Variants in MIGA1 observed in about 807,000 individuals in gnomAD.
The protein encoded by MIGA1 is family with sequence similarity 73, member A.
Under a neutral mutation model 82.0 loss-of-function variants are expected in MIGA1, and 58 were observed. That is an observed-to-expected ratio of 0.71 (90% CI 0.57 to 0.88). The LOEUF is 0.88. MIGA1 is among the 40% of genes least tolerant of loss of function. The probability of loss-of-function intolerance (pLI) is 0.00; values close to 1 mark genes in which losing one functional copy is unlikely to be tolerated. For missense variants in MIGA1, 751 were observed against 749.1 expected, an observed-to-expected ratio of 1.00 and a Z score of -0.03; for synonymous variants, 249 against 253.6, an observed-to-expected ratio of 0.98 and a Z score of 0.17.
At chr1:77,802,918 T>G (rs1682942664) in intron 3 of MIGA1, among the ~76,000 whole-genome samples, 1 of 152,098 alleles carries the variant, frequency 6.6e-6, no homozygotes, top group Non-Finnish European at 1.5e-5. Flanking sequence ...GAAAAGGAAA[T>G]GCCTGTATTT....
chr1:77,848,115 G>C, intron 8 of MIGA1: 4 of 1,322,728 alleles, frequency 3.0e-6, no homozygotes, highest in Non-Finnish European at 4.4e-6. Flanking sequence ...ATCCAGAGAC[G>C]AGGAGAACCA....
At chr1:77,808,509 T>A (rs780710513) in intron 5 of MIGA1, among the ~76,000 whole-genome samples, 1 of 152,136 alleles carries the variant, frequency 6.6e-6, no homozygotes, top group Admixed American at 6.5e-5. Flanking sequence ...CAGAAAAAAA[T>A]TTTAAATAGA....
At chr1:77,871,299 C>T (rs1232060327) in intron 14 of MIGA1, among the ~76,000 whole-genome samples, 3 of 151,638 alleles carry the variant, frequency 2.0e-5, no homozygotes, top group Non-Finnish European at 4.4e-5. Context: ...GTCAGGAGTT[C>T]GAGACCAGCC....
At chr1:77,867,606 G>A (rs1437395968) in intron 14 of MIGA1, among the ~76,000 whole-genome samples, 1 of 152,200 alleles carries the variant, frequency 6.6e-6, no homozygotes, top group Non-Finnish European at 1.5e-5. Context: ...GGGATTACAG[G>A]CGTGAGCCAC....
At chr1:77,830,492 T>G (rs1330494294) in intron 7 of MIGA1, among the ~76,000 whole-genome samples, 2 of 152,048 alleles carry the variant, frequency 1.3e-5, no homozygotes, top group East Asian at 3.9e-4. Context: ...TCTTTTGGAG[T>G]TTTTATTTAG....
rs112122478 is a variant in MIGA1 at position 77,859,924 on chromosome 1, A to T, written c.1189-116A>T. ...GACTTTCTCTGTGAGCTGCCTGTTG[A>T]AATAGCACCACATGCAATGCATTAA... On this transcript the variant is annotated intron_variant, in intron 10 of 15. Coordinates refer to ENST00000370791, the MANE Select transcript of MIGA1 (RefSeq NM_198549.4). 1.7e-5 allele frequency: 11 copies of T among 655,552 alleles called. No individual in the cohort carries two copies. The African/African-American group carries it at 1.7e-4, about 10-fold the overall frequency. 40.6% of individuals were successfully genotyped at this position (655,552 alleles called of 1,614,324 possible).
At position 77,866,329 on chromosome 1, in the gene MIGA1, T is replaced by C; in HGVS notation, c.1510-9T>C. The C allele has an allele frequency of 6.2e-7, 1 of 1,613,650 alleles. No homozygotes were observed. Among genetic ancestry groups the C allele is most frequent in the Non-Finnish European group, 8.5e-7 (1 of 1,179,568 alleles). On this transcript the variant is annotated splice_polypyrimidine_tract_variant and intron_variant, in intron 13 of 15. Coordinates refer to ENST00000370791, the MANE Select transcript of MIGA1 (RefSeq NM_198549.4). ...TATATAAATCTTTCTTTTCTCTGCATGTATTTAGGCTGTGGCTTCAAGTTG... is the reference window on the plus strand; with the variant it reads ...TATATAAATCTTTCTTTTCTCTGCACGTATTTAGGCTGTGGCTTCAAGTTG...
intron 1 of MIGA1, among the ~76,000 whole-genome samples, chr1:77,782,023 C>G (rs1240798569): frequency 1.3e-5 from 2 of 151,532 alleles, no homozygotes; most frequent in African/African-American, 4.9e-5. Flanking sequence ...AGGGTTTCAC[C>G]ATGTTTCCCA....
intron 7 of MIGA1, 47 bp from the exon 8 acceptor site, chr1:77,843,260 A>G (rs1487833900): frequency 5.4e-6 from 7 of 1,305,462 alleles, no homozygotes; most frequent in Non-Finnish European, 5.5e-6. Flanking sequence ...AAATACCACA[A>G]TGATGTGGAA....
At position 77,811,766 on chromosome 1, in the gene MIGA1, G is replaced by T. The variant is rs1044458901; in HGVS notation, c.638-1968G>T. Reference sequence around the variant, plus strand: ...GCGCCCCAGCGCTGCAGCAGACTCCGGGTCACCTCCGACATGGCCGGTCCC... The same window carrying T: ...GCGCCCCAGCGCTGCAGCAGACTCCTGGTCACCTCCGACATGGCCGGTCCC... On this transcript the variant is annotated intron_variant, in intron 5 of 15. Transcript: ENST00000370791. The T allele has an allele frequency of 5.6e-6, 9 of 1,598,870 alleles. No homozygotes were observed. The Admixed American group carries it at 1.5e-4, about 27-fold the overall frequency.
intron 1 of MIGA1, 48 bp downstream of exon 1, chr1:77,779,784 C>A (rs949012459): frequency 1.6e-5 from 24 of 1,513,662 alleles, no homozygotes; most frequent in Non-Finnish European, 2.0e-5. Flanking sequence ...CGGGAGGAAG[C>A]GGAGAGTTGA....
intron 5 of MIGA1, among the ~76,000 whole-genome samples, chr1:77,809,016 C>T (rs770782904): frequency 6.6e-6 from 1 of 152,042 alleles, no homozygotes; most frequent in Non-Finnish European, 1.5e-5. Context: ...GAGGCTGAGG[C>T]AGGAGGATCA....
At chr1:77,849,480 G>A (rs78349184) in intron 8 of MIGA1, among the ~76,000 whole-genome samples, 3,033 of 152,204 alleles carry the variant, frequency 0.02, 70 homozygotes, top group East Asian at 0.11. Flanking sequence ...TATAAATATT[G>A]TATTTCAGAT....
intron 2 of MIGA1, among the ~76,000 whole-genome samples, chr1:77,793,728 G>A (rs1682531959): frequency 6.7e-6 from 1 of 150,182 alleles, no homozygotes; most frequent in African/African-American, 2.5e-5. Flanking sequence ...GCCTCCCAAA[G>A]TGCTGGGATT....
intron 1 of MIGA1, 109 bp downstream of exon 1, chr1:77,779,845 C>T: frequency 2.8e-6 from 4 of 1,434,754 alleles, no homozygotes; most frequent in Admixed American, 2.7e-5. Context: ...GCGCGGACTC[C>T]ATCGCTGGCG....
In MIGA1 at chr1:77,803,239, T is replaced by C. The variant is rs376019722; in HGVS notation, c.374-31T>C. 2.9e-5 allele frequency: 38 copies of C among 1,327,664 alleles called. No individual in the cohort carries two copies. The African/African-American group carries it at 3.6e-4, about 13-fold the overall frequency. 82.2% of individuals were successfully genotyped at this position (1,327,664 alleles called of 1,614,324 possible). A position where few individuals can be genotyped will look rare whatever the true frequency, so the allele number is the denominator to read the frequency against. On this transcript the variant is annotated intron_variant, in intron 3 of 15. Coordinates refer to ENST00000370791, the MANE Select transcript of MIGA1 (RefSeq NM_198549.4). ...TGAAATTTATCATTGGCGTTATTGA[T>C]ATTTTTAATATTAGTATGTTTATTT...
At position 77,878,201 on chromosome 1, in the gene MIGA1, C is replaced by T. The variant is rs570219287; in HGVS notation, c.*3137C>T. The T allele has an allele frequency of 3.3e-5, 5 of 152,146 alleles. No homozygotes were observed. The highest frequency in any genetic ancestry group is 1.2e-4 in the African/African-American group (5 of 41,502). The allele number at this position is 152,146 out of a possible 1,614,324, so 9.4% of individuals were successfully genotyped here. On this transcript the variant is annotated 3_prime_UTR_variant, in exon 16 of 16. Transcript: ENST00000370791. ...CTGAGGTCAGGAGTTTGAGACCAGC[C>T]TGACCAACATGGTGAAACCCCATCT...
At chr1:77,820,931 C>T (rs1021126060) in intron 7 of MIGA1, among the ~76,000 whole-genome samples, 1 of 151,896 alleles carries the variant, frequency 6.6e-6, no homozygotes, top group Admixed American at 6.6e-5. Flanking sequence ...GTCAGGAGTT[C>T]AAGACCAGCC....
At chr1:77,863,333 C>A (rs1685542050) in intron 12 of MIGA1, among the ~76,000 whole-genome samples, 1 of 152,148 alleles carries the variant, frequency 6.6e-6, no homozygotes, top group East Asian at 1.9e-4. Flanking sequence ...TCATTCTTTC[C>A]CCTGTTTCAT....
Sources: gnomAD v4.1 joint callset for allele counts (sites outside exome capture counted in the v4.1 genomes callset) on GRCh38, gnomAD v4.1.1 for gene constraint, MANE v1.5 for transcripts, NCBI Gene and HGNC (gene_info 2026-07-23, HGNC 2026-07-21) for gene names.